Variants in JAKMIP2 observed in about 807,000 individuals in gnomAD.
JAKMIP2 encodes the protein janus kinase and microtubule interacting protein 2.
In JAKMIP2, 25 loss-of-function variants were observed where a neutral mutation model predicts 115.0. The ratio of observed to expected loss-of-function variants is 0.22; its 90% CI spans 0.16 to 0.30. The LOEUF (loss-of-function observed/expected upper bound fraction) is 0.30, where lower values mean the gene tolerates loss of function less well. Ranked by LOEUF, JAKMIP2 falls within the 10% of genes least tolerant of loss-of-function variation. The pLI is 1.00. For missense variants in JAKMIP2, 642 were observed against 957.6 expected, an observed-to-expected ratio of 0.67 and a Z score of 4.35; for synonymous variants, 334 against 343.6, an observed-to-expected ratio of 0.97 and a Z score of 0.31.
intron 2 of JAKMIP2, among the ~76,000 whole-genome samples, chr5:147,667,251 G>T (rs575566224): frequency 3.3e-5 from 5 of 152,170 alleles, no homozygotes; most frequent in South Asian, 2.1e-4. Flanking sequence ...TACCCTAGAG[G>T]TTCTATGGGA....
At chr5:147,666,531 A>C (rs1406765398) in intron 2 of JAKMIP2, among the ~76,000 whole-genome samples, 7 of 152,198 alleles carry the variant, frequency 4.6e-5, no homozygotes, top group African/African-American at 1.7e-4. Flanking sequence ...ACATCAGTCC[A>C]TTTAACCTCC....
intron 1 of JAKMIP2, among the ~76,000 whole-genome samples, chr5:147,773,900 C>T (rs1459189133): frequency 6.6e-6 from 1 of 152,066 alleles, no homozygotes; most frequent in Non-Finnish European, 1.5e-5. Flanking sequence ...AGCATTCCTT[C>T]TATGTGAAAT....
chr5:147,666,927 T>C (rs961331035), intron 2 of JAKMIP2, among the ~76,000 whole-genome samples: 1 of 152,122 alleles, frequency 6.6e-6, no homozygotes, highest in African/African-American at 2.4e-5. Context: ...ATAAATACTG[T>C]GTATATATTA....
At chr5:147,730,428 A>C (rs1025741213) in intron 1 of JAKMIP2, among the ~76,000 whole-genome samples, 1 of 151,266 alleles carries the variant, frequency 6.6e-6, no homozygotes, top group African/African-American at 2.4e-5. Flanking sequence ...CTCCCATGTG[A>C]TATCGGATCA....
At chr5:147,634,306 G>C (rs192273880) in intron 12 of JAKMIP2, among the ~76,000 whole-genome samples, 2 of 152,028 alleles carry the variant, frequency 1.3e-5, no homozygotes, top group African/African-American at 2.4e-5. Flanking sequence ...GATAGAAGAC[G>C]TAATGGGATT....
rs1377270048 is a variant in JAKMIP2 at position 147,778,899 on chromosome 5, T to C, written c.-149+3557A>G. ...AAATAGTTGTTAGTCAATTTATTAA[T>C]TTATCCTGCTTGAAAGCACATTTTC... On this transcript the variant is annotated intron_variant, in intron 1 of 21. Coordinates refer to ENST00000616793, the MANE Select transcript of JAKMIP2 (RefSeq NM_001270941.2). Among the ~76,000 whole-genome samples the C allele has an allele frequency of 2.0e-5, 3 of 152,114 alleles. No individual in the cohort carries two copies. In the South Asian group the frequency reaches 6.2e-4, roughly 31 times the overall value.
chr5:147,628,907 T>G (rs550306095), intron 15 of JAKMIP2, 91 bp from the exon 16 acceptor site: 1 of 774,178 alleles, frequency 1.3e-6, no homozygotes, highest in Non-Finnish European at 2.1e-6. Context: ...CAGAGCATTC[T>G]GTATAAGCCT....
intron 2 of JAKMIP2, among the ~76,000 whole-genome samples, chr5:147,665,003 A>G (rs1199138187): frequency 1.3e-5 from 2 of 152,138 alleles, no homozygotes; most frequent in Non-Finnish European, 2.9e-5. Flanking sequence ...CAAAACCCTA[A>G]CATATAAGAA....
chr5:147,630,583 T>G (rs1378980917), intron 14 of JAKMIP2, among the ~76,000 whole-genome samples: 1 of 152,126 alleles, frequency 6.6e-6, no homozygotes, highest in Non-Finnish European at 1.5e-5. Context: ...TTCTCCTCTT[T>G]CTCATGTTCA....
At position 147,642,380 on chromosome 5, in the gene JAKMIP2, G is replaced by A. The variant is rs528068195; in HGVS notation, c.1225-616C>T. 4.5e-4 allele frequency among the ~76,000 whole-genome samples: 68 copies of A among 152,204 alleles called. 1 individual carries two copies. The South Asian group carries it at 7.0e-3, about 16-fold the overall frequency. On this transcript the variant is annotated intron_variant, in intron 7 of 21. Transcript: ENST00000616793. The stretch of plus-strand genomic sequence containing the variant: ...ATCAATTTCATGATTTATTGTTGCT[G>A]TGAATAGAGATATCATGGGAATTTG...
chr5:147,742,151 A>G (rs898110094), intron 1 of JAKMIP2, among the ~76,000 whole-genome samples: 3 of 99,680 alleles, frequency 3.0e-5, no homozygotes, highest in Non-Finnish European at 2.0e-5. Context: ...ATATATATAT[A>G]TATATTTTTT....
intron 1 of JAKMIP2, among the ~76,000 whole-genome samples, chr5:147,714,484 C>G (rs1752892869): frequency 1.3e-5 from 2 of 152,110 alleles, no homozygotes; most frequent in South Asian, 4.1e-4. Context: ...ATAGAAAACA[C>G]AGCATGGAAG....
chr5:147,749,014 C>T (rs907340981), intron 1 of JAKMIP2, among the ~76,000 whole-genome samples: 2 of 152,086 alleles, frequency 1.3e-5, no homozygotes, highest in Non-Finnish European at 2.9e-5. Context: ...CAACGAACCT[C>T]GGTTATTACC....
At position 147,608,872 on chromosome 5, in the gene JAKMIP2, T is replaced by C. The variant is rs373580441; in HGVS notation, c.2412+3434A>G. Among the ~76,000 whole-genome samples, 293 of 152,324 alleles carry C rather than the reference T, an allele frequency of 1.9e-3. 2 individuals carry two copies. Among genetic ancestry groups the C allele is most frequent in the African/African-American group, 6.8e-3 (284 of 41,572 alleles). ...TCTGGGTGTTCCTATATTGGATGCATATATATTTAGGATAGTTCGCTCTTC... is the reference window on the plus strand; with the variant it reads ...TCTGGGTGTTCCTATATTGGATGCACATATATTTAGGATAGTTCGCTCTTC... On this transcript the variant is annotated intron_variant, in intron 20 of 21. Coordinates refer to ENST00000616793, the MANE Select transcript of JAKMIP2 (RefSeq NM_001270941.2).
intron 2 of JAKMIP2, among the ~76,000 whole-genome samples, chr5:147,664,570 G>C (rs1759199659): frequency 6.6e-6 from 1 of 152,072 alleles, no homozygotes; most frequent in East Asian, 1.9e-4. Context: ...CTGGCTAGAG[G>C]TCATCCTCTC....
At chr5:147,669,925 T>C (rs915670282) in intron 2 of JAKMIP2, among the ~76,000 whole-genome samples, 1 of 152,190 alleles carries the variant, frequency 6.6e-6, no homozygotes, top group African/African-American at 2.4e-5. Flanking sequence ...TCCCCCAGGT[T>C]ATACCATTGC....
In JAKMIP2 at chr5:147,589,712, G is replaced by T. The variant is rs548050978; in HGVS notation, c.*1995C>A. On this transcript the variant is annotated 3_prime_UTR_variant, in exon 22 of 22. Coordinates refer to ENST00000616793, the MANE Select transcript of JAKMIP2 (RefSeq NM_001270941.2). ...TCTATCTTGTTCAATAGCATGAGAT[G>T]ATCTATTTCCTATAGATTATTAAAG... The T allele has an allele frequency of 6.6e-6, 1 of 152,232 alleles. No homozygotes were observed. The highest frequency in any genetic ancestry group is 2.1e-4 in the South Asian group (1 of 4,820). The allele number at this position is 152,232 out of a possible 1,614,324, so 9.4% of individuals were successfully genotyped here.
chr5:147,624,372 A>G (rs1757000995), intron 16 of JAKMIP2, among the ~76,000 whole-genome samples: 1 of 152,154 alleles, frequency 6.6e-6, no homozygotes, highest in African/African-American at 2.4e-5. Context: ...GATGACTGGG[A>G]AAAAATGAAG....
intron 1 of JAKMIP2, among the ~76,000 whole-genome samples, chr5:147,712,982 T>TA (rs2126916555): frequency 6.6e-6 from 1 of 152,286 alleles, no homozygotes; most frequent in Non-Finnish European, 1.5e-5. Context: ...GATAACGATT[T>TA]AAAAATATGT....
Sources: gnomAD v4.1 joint callset for allele counts (sites outside exome capture counted in the v4.1 genomes callset) on GRCh38, gnomAD v4.1.1 for gene constraint, MANE v1.5 for transcripts, NCBI Gene and HGNC (gene_info 2026-07-23, HGNC 2026-07-21) for gene names.